Variants in MCF2 observed in about 807,000 individuals in gnomAD.
MCF2 encodes MCF.2 cell line derived transforming sequence.
MCF2 carries 44 observed loss-of-function variants against 82.5 expected under a neutral mutation model. The ratio of observed to expected loss-of-function variants is 0.53; its 90% CI spans 0.42 to 0.69. The LOEUF (loss-of-function observed/expected upper bound fraction) is 0.69. Ranked by LOEUF, MCF2 falls within the 30% of genes least tolerant of loss-of-function variation. The probability of loss-of-function intolerance (pLI) is 0.00; values close to 1 mark genes in which losing one functional copy is unlikely to be tolerated. For missense variants in MCF2, 623 were observed against 663.1 expected (o/e 0.94, Z 0.66); for synonymous variants, 217 against 224.9 (o/e 0.96, Z 0.32).
chrX:139,592,822 G>C lies in MCF2; in HGVS notation c.2278-2895C>G, dbSNP rs781400257. ...AACTACTTCTTTTTGACCCGACCCT[G>C]GGCAGGAACCTTGTTGGGAACAACT... On this transcript the variant is annotated intron_variant, in intron 19 of 24. Coordinates refer to ENST00000370576, the Ensembl canonical transcript of MCF2. 1.3e-4 allele frequency among the ~76,000 whole-genome samples: 14 copies of C among 111,589 alleles called. No homozygotes were observed. In the South Asian group the frequency reaches 2.3e-3, roughly 18 times the overall value.
At chrX:139,606,320 G>T (rs1043139023) in intron 12 of MCF2, among the ~76,000 whole-genome samples, 4 of 109,117 alleles carry the variant, frequency 3.7e-5, no homozygotes, top group African/African-American at 1.3e-4. Context: ...TTTTACCCTG[G>T]TCTCCTCAAG....
rs149305648 is a variant in MCF2 at position 139,619,036 on chromosome X, G to A, written c.807+551C>T. Among the ~76,000 whole-genome samples the A allele has an allele frequency of 7.3e-3, 817 of 111,374 alleles. 5 individuals are homozygous for A. The highest frequency in any genetic ancestry group is 0.024 in the African/African-American group (749 of 30,749). On this transcript the variant is annotated intron_variant, in intron 7 of 24. Coordinates refer to ENST00000370576, the Ensembl canonical transcript of MCF2. ...TAAGAATAAGTAGAAATATCTATGT[G>A]AGTCTCCATTTGGTTAAACTGCATA...
chrX:139,642,270 C>T (rs1355587109), intron 1 of MCF2, among the ~76,000 whole-genome samples: 1 of 111,669 alleles, frequency 9.0e-6, no homozygotes, highest in Admixed American at 9.5e-5. Context: ...TATATTCTAC[C>T]CCCTCAATTG....
chrX:139,676,661 C>T (rs984976222), intron 1 of MCF2, among the ~76,000 whole-genome samples: 8 of 111,618 alleles, frequency 7.2e-5, no homozygotes, highest in African/African-American at 2.3e-4. Flanking sequence ...ATGGCAGCAC[C>T]TATTTCACAG....
At chrX:139,613,186 T>A in intron 10 of MCF2, 30 bp downstream of exon 14, 2 of 1,069,133 alleles carry the variant, frequency 1.9e-6, no homozygotes, top group African/African-American at 3.7e-5. Flanking sequence ...AAAAATGTAT[T>A]GGCAAAAGTA....
At chrX:139,705,446 C>G (rs1413121952) in intron 1 of MCF2, among the ~76,000 whole-genome samples, 2 of 112,344 alleles carry the variant, frequency 1.8e-5, no homozygotes, top group Non-Finnish European at 3.8e-5. Context: ...CAAGGCCAAC[C>G]AAAACAAGCA....
At chrX:139,609,804 T>TTGG (rs749185717) in intron 11 of MCF2, among the ~76,000 whole-genome samples, 1 of 110,521 alleles carries the variant, frequency 9.0e-6, no homozygotes, top group African/African-American at 3.3e-5. Context: ...GCCACTGCAC[T>TTGG]CCAGCCTTGG....
chrX:139,638,881 T>C (rs1252151152), intron 1 of MCF2, among the ~76,000 whole-genome samples: 1 of 111,512 alleles, frequency 9.0e-6, no homozygotes, highest in Non-Finnish European at 1.9e-5. Context: ...CCATATACAT[T>C]TAAGATTAGT....
chrX:139,642,844 G>A, exon 1 of MCF2: 1 of 912,279 alleles, frequency 1.1e-6, no homozygotes, highest in East Asian at 6.6e-5. Flanking sequence ...CATGTCCTAA[G>A]AGTGGAAGGA....
chrX:139,603,876 T>A (rs979012754), intron 15 of MCF2, among the ~76,000 whole-genome samples: 1 of 111,694 alleles, frequency 9.0e-6, no homozygotes, highest in Admixed American at 9.5e-5. Flanking sequence ...TTAGAACACG[T>A]TGAGCAAGGT....
intron 2 of MCF2, among the ~76,000 whole-genome samples, chrX:139,648,952 C>T (rs1205840309): frequency 8.9e-6 from 1 of 111,734 alleles, no homozygotes; most frequent in East Asian, 2.8e-4. Flanking sequence ...CAATTTTAGT[C>T]AGATATTTCA....
At chrX:139,595,221 T>C (rs1476439254) in intron 19 of MCF2, among the ~76,000 whole-genome samples, 1 of 108,803 alleles carries the variant, frequency 9.2e-6, no homozygotes, top group Non-Finnish European at 1.9e-5. Flanking sequence ...GCCATCCCAT[T>C]ACTGGGTATA....
chrX:139,653,015 A>T (rs1934081722), intron 1 of MCF2, among the ~76,000 whole-genome samples: 1 of 112,350 alleles, frequency 8.9e-6, no homozygotes, highest in African/African-American at 3.2e-5. Context: ...GCCATTACAA[A>T]TATCTAATTT....
chrX:139,614,938 C>A, exon 10 of MCF2: 1 of 1,209,757 alleles, frequency 8.3e-7, no homozygotes, highest in Non-Finnish European at 1.1e-6. Flanking sequence ...GGTGTGGGTA[C>A]CACAAATTGG....
At chrX:139,665,125 G>A (rs1934472338) in intron 1 of MCF2, among the ~76,000 whole-genome samples, 1 of 111,327 alleles carries the variant, frequency 9.0e-6, no homozygotes, top group African/African-American at 3.3e-5. Flanking sequence ...GGAGCTGCAA[G>A]CTGTGTTGCC....
chrX:139,676,761 A>T (rs888642942), intron 1 of MCF2, among the ~76,000 whole-genome samples: 3 of 112,362 alleles, frequency 2.7e-5, no homozygotes, highest in African/African-American at 9.7e-5. Flanking sequence ...ATTGTTATAA[A>T]GAAAAAATGA....
chrX:139,669,088 G>A (rs1934607348), intron 1 of MCF2, among the ~76,000 whole-genome samples: 1 of 111,856 alleles, frequency 8.9e-6, no homozygotes, highest in East Asian at 2.8e-4. Flanking sequence ...TACTAAGAAA[G>A]TGAAAAGATG....
intron 7 of MCF2, 42 bp from the exon 11 acceptor site, chrX:139,617,746 T>C (rs745368128): frequency 2.0e-5 from 17 of 854,835 alleles, no homozygotes; most frequent in Non-Finnish European, 2.3e-5. Context: ...ACATGATCTC[T>C]GTTCCTATAG....
At chrX:139,605,008 GC>G (rs775983718) in intron 13 of MCF2, 24 bp from the exon 18 acceptor site, 3 of 891,453 alleles carry the variant, frequency 3.4e-6, no homozygotes, top group Non-Finnish European at 4.7e-6. Flanking sequence ...ATACATTCAT[GC>G]ATTTTAAAAT....
Sources: allele counts gnomAD v4.1 joint callset (sites outside exome capture counted in the v4.1 genomes callset), GRCh38; gene constraint gnomAD v4.1.1; transcripts MANE v1.5; gene names NCBI Gene and HGNC (gene_info 2026-07-23, HGNC 2026-07-21).